SORCS1: variants seen among roughly 807,000 people sequenced by gnomAD.
SORCS1 encodes sortilin related VPS10 domain containing receptor 1, also known as VPS10 domain-containing receptor SorCS1.
A neutral mutation model predicts 146.1 loss-of-function variants in SORCS1; 60 were observed. That is an observed-to-expected ratio of 0.41 (90% confidence interval 0.33 to 0.51). The LOEUF is 0.51. Ranked by LOEUF, SORCS1 falls within the 20% of genes least tolerant of loss-of-function variation. SORCS1 has a pLI of 0.21. For synonymous variants in SORCS1, 637 were observed against 584.0 expected, an observed-to-expected ratio of 1.09 and a Z score of -1.31; for missense variants, 1,352 against 1,487.6, an observed-to-expected ratio of 0.91 and a Z score of 1.50.
intron 1 of SORCS1, among the ~76,000 whole-genome samples, chr10:106,991,680 A>G (rs1041799914): frequency 2.0e-5 from 3 of 152,190 alleles, no homozygotes; most frequent in African/African-American, 7.2e-5. Flanking sequence ...TTACTCCTGG[A>G]GCAGAGCTGG....
At chr10:106,616,701 TA>T in intron 21 of SORCS1, among the ~76,000 whole-genome samples, 1 of 152,164 alleles carries the variant, frequency 6.6e-6, no homozygotes, top group African/African-American at 2.4e-5. Context: ...GAAGAAATTA[TA>T]AAATCTAACA....
chr10:106,905,832 C>A (rs564521474), intron 2 of SORCS1, among the ~76,000 whole-genome samples: 2 of 152,192 alleles, frequency 1.3e-5, no homozygotes, highest in Non-Finnish European at 2.9e-5. Context: ...CTAACTCTAT[C>A]AAACATTGAA....
chr10:106,716,791 G>A (rs189155710), intron 6 of SORCS1, among the ~76,000 whole-genome samples: 3 of 152,088 alleles, frequency 2.0e-5, no homozygotes. Flanking sequence ...CTTTCCTCGG[G>A]GTCAGGAACT....
chr10:106,931,985 C>T (rs759825778), intron 2 of SORCS1, among the ~76,000 whole-genome samples: 34 of 152,066 alleles, frequency 2.2e-4, no homozygotes, highest in African/African-American at 4.8e-4. Context: ...TTTTCCATAA[C>T]AGCAGTAATA....
At chr10:106,866,131 G>A (rs1950214908) in intron 2 of SORCS1, among the ~76,000 whole-genome samples, 1 of 151,952 alleles carries the variant, frequency 6.6e-6, no homozygotes, top group African/African-American at 2.4e-5. Context: ...TAGCAGCTCT[G>A]TAACTTCCTG....
intron 3 of SORCS1, among the ~76,000 whole-genome samples, chr10:106,822,438 C>T (rs569562582): frequency 2.6e-5 from 4 of 152,178 alleles, no homozygotes; most frequent in Non-Finnish European, 5.9e-5. Context: ...GCTCCTGGCA[C>T]TCCAACCCTG....
intron 2 of SORCS1, among the ~76,000 whole-genome samples, chr10:106,834,282 T>C (rs1948691179): frequency 6.6e-6 from 1 of 152,226 alleles, no homozygotes; most frequent in Non-Finnish European, 1.5e-5. Context: ...GCTGGTTAAA[T>C]ATTTTAACTA....
chr10:107,166,170 C>T (rs537719357), upstream of SORCS1, among the ~76,000 whole-genome samples: 19 of 152,084 alleles, frequency 1.2e-4, no homozygotes, highest in Non-Finnish European at 2.5e-4. Context: ...AAAATAGTAC[C>T]GATTCCAGTT....
chr10:106,603,803 C>T (rs769175030), intron 23 of SORCS1, among the ~76,000 whole-genome samples: 16 of 152,162 alleles, frequency 1.1e-4, no homozygotes, highest in East Asian at 1.9e-4. Context: ...AAGTCAGTTG[C>T]GTTTGCCTCC....
chr10:106,868,029 G>GA (rs1950281989), intron 2 of SORCS1, among the ~76,000 whole-genome samples: 1 of 151,934 alleles, frequency 6.6e-6, no homozygotes, highest in Non-Finnish European at 1.5e-5. Flanking sequence ...ATAGGAAACA[G>GA]AAAAAAGCAG....
intron 2 of SORCS1, 68 bp downstream of exon 2, chr10:106,956,445 G>A (rs1416927781): frequency 1.4e-6 from 2 of 1,432,834 alleles, no homozygotes; most frequent in Admixed American, 1.8e-5. Flanking sequence ...GAAAAAGTGG[G>A]TGGGACAGCA....
In SORCS1 at chr10:107,148,557, C is replaced by G. The variant is rs980171877; in HGVS notation, c.558+15412G>C. Among the ~76,000 whole-genome samples, 8 of 152,236 alleles carry G rather than the reference C, an allele frequency of 5.3e-5. No individual in the cohort carries two copies. The South Asian group carries it at 6.2e-4, about 12-fold the overall frequency. ...AGCCCATGGGCTAAAATTTGGCCACCCCTGTGTAAATTACCTCAAATCCTA... is the reference window on the plus strand; with the variant it reads ...AGCCCATGGGCTAAAATTTGGCCACGCCTGTGTAAATTACCTCAAATCCTA... On this transcript the variant is annotated intron_variant, in intron 1 of 25. Coordinates refer to ENST00000263054, the MANE Select transcript of SORCS1 (RefSeq NM_052918.5).
intron 1 of SORCS1, among the ~76,000 whole-genome samples, chr10:107,000,175 G>A (rs918723125): frequency 9.2e-5 from 14 of 152,214 alleles, no homozygotes; most frequent in African/African-American, 3.1e-4. Flanking sequence ...TGTTGTTACT[G>A]TAAAAAACAG....
chr10:106,613,869 C>T (rs1271169214), intron 21 of SORCS1, among the ~76,000 whole-genome samples: 2 of 152,138 alleles, frequency 1.3e-5, no homozygotes, highest in African/African-American at 2.4e-5. Flanking sequence ...ATCCTGCTGG[C>T]TCTGTCCATA....
intron 3 of SORCS1, among the ~76,000 whole-genome samples, chr10:106,800,511 A>ATTTTTTTTTTTTTTTTTTTTTTTTTTTTT (rs1564672399): frequency 7.1e-6 from 1 of 141,582 alleles, no homozygotes. Flanking sequence ...TTCTAGGTGA[A>ATTTTTTTTTTTTTTTTTTTTTTTTTTTTT]TCTTTTTTTT....
chr10:107,059,544 C>T (rs1035423134), intron 1 of SORCS1, among the ~76,000 whole-genome samples: 5 of 152,106 alleles, frequency 3.3e-5, no homozygotes, highest in Non-Finnish European at 5.9e-5. Context: ...ACAAGAAGCC[C>T]AGATTTCCTG....
intron 1 of SORCS1, among the ~76,000 whole-genome samples, chr10:107,003,463 T>C (rs1957302770): frequency 6.6e-6 from 1 of 150,980 alleles, no homozygotes; most frequent in Non-Finnish European, 1.5e-5. Flanking sequence ...TGTGTGTGTG[T>C]GTGTGTGTGT....
chr10:106,609,784 G>A (rs1420718640), intron 22 of SORCS1, among the ~76,000 whole-genome samples: 1 of 152,216 alleles, frequency 6.6e-6, no homozygotes, highest in Non-Finnish European at 1.5e-5. Context: ...AAAGGTGGAG[G>A]TACAGGGCAT....
chr10:106,977,136 C>T (rs895225301), intron 1 of SORCS1, among the ~76,000 whole-genome samples: 2 of 152,156 alleles, frequency 1.3e-5, no homozygotes, highest in African/African-American at 4.8e-5. Context: ...AATGGGTGAG[C>T]GAATTTACAC....
Sources: gnomAD v4.1 joint callset for allele counts (sites outside exome capture counted in the v4.1 genomes callset) on GRCh38, gnomAD v4.1.1 for gene constraint, MANE v1.5 for transcripts, NCBI Gene and HGNC (gene_info 2026-07-23, HGNC 2026-07-21) for gene names.